The following TJP2 variants were observed in gnomAD, a reference collection of about 807,000 sequenced individuals.
The protein encoded by TJP2 is tight junction protein 2.
In TJP2, 91 loss-of-function variants were observed where a neutral mutation model predicts 133.1. The ratio of observed to expected loss-of-function variants is 0.68; its 90% CI spans 0.58 to 0.81. The LOEUF (loss-of-function observed/expected upper bound fraction) is 0.81. Ranked by LOEUF, TJP2 falls within the 40% of genes least tolerant of loss-of-function variation. TJP2 has a pLI of 0.00. For missense variants in TJP2, 1,541 were observed against 1,565.6 expected, an observed-to-expected ratio of 0.98 and a Z score of 0.26; for synonymous variants, 592 against 583.4, an observed-to-expected ratio of 1.01 and a Z score of -0.21.
rs1828550590 is a variant in TJP2 at position 69,218,370 on chromosome 9, GGTTT to G, written c.342+13_342+16del. 6.2e-7 allele frequency: 1 copy of G among 1,611,544 alleles called. No homozygotes were observed. Among genetic ancestry groups the G allele is most frequent in the Non-Finnish European group, 8.5e-7 (1 of 1,177,860 alleles). On this transcript the variant is annotated intron_variant, in intron 4 of 22. Coordinates refer to ENST00000377245, the MANE Select transcript of TJP2 (RefSeq NM_004817.4). ...AAGGTCGCTGCTATTGTAAGTACTG[GGTTT>G]GCTTTCAGCTTGCCTTAATAGCATT... is the stretch of plus-strand genomic sequence containing the variant.
intron 4 of TJP2, 142 bp from the exon 5 acceptor site, chr9:69,220,745 G>A (rs1828757718): frequency 2.6e-6 from 2 of 769,292 alleles, no homozygotes; most frequent in East Asian, 2.7e-5. Flanking sequence ...TTTATTGTCC[G>A]TTTCCGGATG....
At chr9:69,206,832 C>T (rs1037483739) in intron 1 of TJP2, among the ~76,000 whole-genome samples, 1 of 152,190 alleles carries the variant, frequency 6.6e-6, no homozygotes, top group African/African-American at 2.4e-5. Flanking sequence ...CCGCCTCGGC[C>T]TCCCAAAGTG....
intron 1 of TJP2, among the ~76,000 whole-genome samples, chr9:69,197,651 G>A (rs1303377427): frequency 6.6e-6 from 1 of 151,302 alleles, no homozygotes; most frequent in Non-Finnish European, 1.5e-5. Flanking sequence ...TCCTGTGATG[G>A]GTACTGAGCA....
At chr9:69,184,776 G>A (rs1436352529) in intron 1 of TJP2, among the ~76,000 whole-genome samples, 4 of 127,394 alleles carry the variant, frequency 3.1e-5, no homozygotes, top group East Asian at 4.6e-4. Context: ...TTTTTGAGAC[G>A]GGCTTGCTCT....
intron 9 of TJP2, 88 bp from the exon 10 acceptor site, chr9:69,229,095 AC>A: frequency 8.0e-7 from 1 of 1,249,558 alleles, no homozygotes; most frequent in Non-Finnish European, 1.2e-6. Flanking sequence ...GCATAGACTT[AC>A]ATTTTTTGTG....
chr9:69,154,508 G>C (rs1823640009), intron 2 of TJP2, among the ~76,000 whole-genome samples: 1 of 152,028 alleles, frequency 6.6e-6, no homozygotes, highest in Non-Finnish European at 1.5e-5. Flanking sequence ...TTCTGACTTG[G>C]CAGGATCATC....
At chr9:69,159,427 T>C (rs972145104) in intron 2 of TJP2, among the ~76,000 whole-genome samples, 1 of 152,058 alleles carries the variant, frequency 6.6e-6, no homozygotes, top group African/African-American at 2.4e-5. Context: ...GATATACAAG[T>C]AATCAAACAT....
Position 69,241,242 on chromosome 9 carries a change from G to T in TJP2, c.2566+1095G>T, listed in dbSNP as rs144697397. On this transcript the variant is annotated intron_variant, in intron 17 of 22. Transcript: ENST00000377245. ...ATATTTTAGTAACAATATATGCACT[G>T]TCTATATAAATGATTAATTCTGTGC... Among the ~76,000 whole-genome samples, 1,324 of 152,278 alleles carry T rather than the reference G, an allele frequency of 8.7e-3. 7 individuals carry two copies. The highest frequency in any genetic ancestry group is 0.014 in the Non-Finnish European group (973 of 68,028).
rs757985732 is a variant in TJP2, at chr9:69,218,348, G to T, written c.331G>T (p.Val111Phe). 5 of 1,614,106 alleles carry T rather than the reference G, an allele frequency of 3.1e-6. No individual in the cohort carries two copies. Among genetic ancestry groups the T allele is most frequent in the Non-Finnish European group, 1.7e-6 (2 of 1,179,964 alleles). The change falls in exon 4 of 23, where the codon GTC (valine) becomes TTC (phenylalanine). Residue 111 changes from valine to phenylalanine, a missense_variant. Physicochemically the swap from Val to Phe is conservative, Grantham distance 50 (BLOSUM62 -1). Transcript: ENST00000377245. ...AVQQLRKSGK[V>F]AAIVVKRPRK... The stretch of plus-strand genomic sequence containing the variant: ...TCAGCAGCTCAGAAAAAGTGGGAAG[G>T]TCGCTGCTATTGTAAGTACTGGGTT...
At chr9:69,230,728 T>C (rs1829709961) in intron 11 of TJP2, among the ~76,000 whole-genome samples, 1 of 152,130 alleles carries the variant, frequency 6.6e-6, no homozygotes. Flanking sequence ...ATCTGTTTAA[T>C]GGGGATGAGA....
In TJP2 at chr9:69,221,618, A is replaced by T. The variant is rs1005177197; in HGVS notation, c.952+122A>T. 10 of 1,333,668 alleles carry T rather than the reference A, an allele frequency of 7.5e-6. No individual in the cohort carries two copies. In the African/African-American group the frequency reaches 1.2e-4, roughly 16 times the overall value. The allele number at this position is 1,333,668 out of a possible 1,614,324, so 82.6% of individuals were successfully genotyped here. ...ATCCAGGCTGGAGGGAAGTGGCGTG[A>T]TCTCGGCTCACTGCAACCTCCACCT... is the stretch of plus-strand genomic sequence containing the variant. On this transcript the variant is annotated intron_variant, in intron 5 of 22. Transcript: ENST00000377245.
chr9:69,177,922 C>T (rs1825216105), intron 1 of TJP2, among the ~76,000 whole-genome samples: 2 of 152,000 alleles, frequency 1.3e-5, no homozygotes, highest in African/African-American at 4.8e-5. Context: ...CCACTTTTTC[C>T]ATTTGATTAG....
chr9:69,151,886 C>A, intron 2 of TJP2: 2 of 1,025,558 alleles, frequency 2.0e-6, no homozygotes, highest in Non-Finnish European at 2.5e-6. Context: ...TTTGATGTTG[C>A]TGATATATAC....
chr9:69,209,237 A>G (rs1827672191), intron 1 of TJP2, among the ~76,000 whole-genome samples: 1 of 152,010 alleles, frequency 6.6e-6, no homozygotes, highest in Non-Finnish European at 1.5e-5. Context: ...GGTTCAAGTG[A>G]TTCTCTTGCT....
intron 1 of TJP2, among the ~76,000 whole-genome samples, chr9:69,131,228 G>A (rs1822481863): frequency 6.6e-6 from 1 of 152,188 alleles, no homozygotes; most frequent in Non-Finnish European, 1.5e-5. Flanking sequence ...GTGTCCTTGT[G>A]TGTATTTGCC....
chr9:69,208,463 C>T (rs1255499402), intron 1 of TJP2, among the ~76,000 whole-genome samples: 1 of 152,068 alleles, frequency 6.6e-6, no homozygotes, highest in African/African-American at 2.4e-5. Context: ...CATCACAGGA[C>T]ACTTAAAGAT....
rs1328685842 is a variant in TJP2 at position 69,240,121 on chromosome 9, A to G, written c.2540A>G (p.Lys847Arg). ...RKLFDQANKL[K>R]KTCAHLFTAT... is the part of the protein sequence containing the mutation. ...TTATTTGATCAAGCCAACAAGCTTA[A>G]AAAAACGTGTGCACACCTTTTTACA... The change falls in exon 17 of 23, where the codon AAA becomes AGA. Residue 847 changes from lysine to arginine, a missense_variant. By Grantham distance (26) the Lys-to-Arg change is conservative. Transcript: ENST00000377245. The G allele has an allele frequency of 1.2e-6, 2 of 1,614,118 alleles. No homozygotes were observed. Among genetic ancestry groups the G allele is most frequent in the Non-Finnish European group, 1.7e-6 (2 of 1,180,018 alleles).
chr9:69,249,740 T>C, intron 20 of TJP2: 1 of 985,264 alleles, frequency 1.0e-6, no homozygotes, highest in Non-Finnish European at 1.2e-6. Flanking sequence ...TTTACTCTTC[T>C]TGTTAAAAAA....
chr9:69,242,661 G>A (rs984117773), intron 17 of TJP2, among the ~76,000 whole-genome samples: 1 of 152,100 alleles, frequency 6.6e-6, no homozygotes, highest in African/African-American at 2.4e-5. Context: ...TCTAGCAAGT[G>A]GTCTTTTACA....
Sources: gnomAD v4.1 joint callset for allele counts (sites outside exome capture counted in the v4.1 genomes callset) on GRCh38, gnomAD v4.1.1 for gene constraint, MANE v1.5 for transcripts, NCBI Gene and HGNC (gene_info 2026-07-23, HGNC 2026-07-21) for gene names.